The following KIAA1328 variants were observed in gnomAD, a reference collection of about 807,000 sequenced individuals.
KIAA1328 encodes the protein KIAA1328.
KIAA1328 carries 52 observed loss-of-function variants against 68.1 expected under a neutral mutation model. The observed-to-expected ratio is 0.76, with a 90% CI of 0.61 to 0.96. KIAA1328 has a LOEUF of 0.96. Among genes scored for constraint, KIAA1328 ranks in the 40% least tolerant of loss-of-function variants. The pLI is 0.00. For synonymous variants in KIAA1328, 232 were observed against 239.4 expected (o/e 0.97, Z 0.28); for missense variants, 641 against 677.6 (o/e 0.95, Z 0.60).
At chr18:37,229,862 G>C (rs2154228331), downstream of KIAA1328, 1 of 152,778 alleles carries the variant, frequency 6.5e-6, no homozygotes, top group South Asian at 2.0e-4. Context: ...CTCCAGCCTG[G>C]GTGACAGAGC....
chr18:37,187,456 A>G (rs1375924232), intron 9 of KIAA1328, among the ~76,000 whole-genome samples: 1 of 152,224 alleles, frequency 6.6e-6, no homozygotes, highest in Non-Finnish European at 1.5e-5. Flanking sequence ...GCATAGCAAG[A>G]TAGAAAGCAG....
At chr18:37,152,648 A>G (rs1037832129) in intron 7 of KIAA1328, among the ~76,000 whole-genome samples, 4 of 152,164 alleles carry the variant, frequency 2.6e-5, no homozygotes, top group Non-Finnish European at 5.9e-5. Context: ...GCAGCCCAGA[A>G]GCATGTGGTG....
chr18:37,168,715 A>T (rs2154213046), intron 8 of KIAA1328, among the ~76,000 whole-genome samples: 1 of 152,322 alleles, frequency 6.6e-6, no homozygotes, highest in Admixed American at 6.5e-5. Context: ...AATTATTAGA[A>T]TAGTTGGGGC....
At chr18:37,013,367 AT>A (rs1024449798) in intron 6 of KIAA1328, among the ~76,000 whole-genome samples, 1 of 152,114 alleles carries the variant, frequency 6.6e-6, no homozygotes, top group Non-Finnish European at 1.5e-5. Context: ...TTCAACTTTT[AT>A]TTTTATGGGG....
chr18:37,110,402 C>T (rs1257348694), intron 7 of KIAA1328, among the ~76,000 whole-genome samples: 9 of 152,068 alleles, frequency 5.9e-5, no homozygotes, highest in Admixed American at 5.9e-4. Flanking sequence ...CTTTATGTGC[C>T]TGTAAATAGT....
At chr18:36,928,673 A>G (rs1211818388) in intron 5 of KIAA1328, among the ~76,000 whole-genome samples, 1 of 151,944 alleles carries the variant, frequency 6.6e-6, no homozygotes, top group Non-Finnish European at 1.5e-5. Flanking sequence ...TAGGGGTGAG[A>G]GAGAGAGAGA....
chr18:36,875,701 T>C (rs2048098229), intron 4 of KIAA1328, among the ~76,000 whole-genome samples: 2 of 152,208 alleles, frequency 1.3e-5, no homozygotes, highest in Admixed American at 1.3e-4. Context: ...CTTCCAATAC[T>C]ATGTTGAATA....
intron 6 of KIAA1328, among the ~76,000 whole-genome samples, chr18:36,973,710 A>G (rs1031065444): frequency 2.0e-5 from 3 of 152,042 alleles, no homozygotes; most frequent in Non-Finnish European, 4.4e-5. Flanking sequence ...CCAAATCGAC[A>G]TTACAGACAT....
At chr18:36,976,111 T>C (rs1376668767) in intron 6 of KIAA1328, among the ~76,000 whole-genome samples, 4 of 152,232 alleles carry the variant, frequency 2.6e-5, no homozygotes, top group African/African-American at 4.8e-5. Flanking sequence ...TTGTCCAATA[T>C]GATAGCAACT....
At chr18:37,059,867 G>C (rs1018170751) in intron 6 of KIAA1328, among the ~76,000 whole-genome samples, 1 of 151,980 alleles carries the variant, frequency 6.6e-6, no homozygotes, top group African/African-American at 2.4e-5. Flanking sequence ...CCATAAAAAA[G>C]GATGAGTTAA....
intron 6 of KIAA1328, among the ~76,000 whole-genome samples, chr18:36,973,818 C>CACACACACAT (rs1196518908): frequency 5.1e-5 from 6 of 116,948 alleles, no homozygotes; most frequent in African/African-American, 9.9e-5. Context: ...CACATACACA[C>CACACACACAT]ACACACACAC....
At chr18:37,229,603 C>T (rs747802266), downstream of KIAA1328, 25 of 1,269,568 alleles carry the variant, frequency 2.0e-5, no homozygotes, top group Admixed American at 4.8e-5. Flanking sequence ...CATCCAGGCG[C>T]GGTGGCTTAC....
intron 4 of KIAA1328, among the ~76,000 whole-genome samples, chr18:36,854,800 C>G (rs1201536559): frequency 6.6e-6 from 1 of 152,122 alleles, no homozygotes; most frequent in African/African-American, 2.4e-5. Flanking sequence ...AATCTTCACA[C>G]TCATTTAATA....
chr18:37,046,196 TA>T (rs978328884), intron 6 of KIAA1328, among the ~76,000 whole-genome samples: 2 of 152,204 alleles, frequency 1.3e-5, no homozygotes, highest in African/African-American at 2.4e-5. Context: ...GAAACTTTTG[TA>T]AAAATTTTTG....
At chr18:37,192,816 T>C (rs1861838594) in intron 9 of KIAA1328, among the ~76,000 whole-genome samples, 1 of 152,172 alleles carries the variant, frequency 6.6e-6, no homozygotes, top group South Asian at 2.1e-4. Flanking sequence ...TGCTACAAAA[T>C]GATTAAGATA....
intron 6 of KIAA1328, among the ~76,000 whole-genome samples, chr18:37,022,581 G>A (rs1415855779): frequency 1.3e-5 from 2 of 152,010 alleles, no homozygotes; most frequent in African/African-American, 4.8e-5. Flanking sequence ...GAAGACCTTT[G>A]GGTGTTAAAT....
chr18:36,918,319 A>G (rs963794189), intron 5 of KIAA1328, among the ~76,000 whole-genome samples: 1 of 151,274 alleles, frequency 6.6e-6, no homozygotes, highest in African/African-American at 2.4e-5. Flanking sequence ...TATCTGCTCT[A>G]GTATTTATTT....
chr18:37,081,936 C>T (rs1392626950), intron 7 of KIAA1328, among the ~76,000 whole-genome samples: 1 of 152,082 alleles, frequency 6.6e-6, no homozygotes, highest in African/African-American at 2.4e-5. Flanking sequence ...CCAAAATCAG[C>T]ACCTTATTGT....
chr18:36,845,216 A>G (rs2046987391), intron 4 of KIAA1328, among the ~76,000 whole-genome samples: 1 of 151,758 alleles, frequency 6.6e-6, no homozygotes, highest in Non-Finnish European at 1.5e-5. Context: ...TTGATATGCT[A>G]CCTGAGATAA....
Sources: gnomAD v4.1 joint callset for allele counts (sites outside exome capture counted in the v4.1 genomes callset) on GRCh38, gnomAD v4.1.1 for gene constraint, MANE v1.5 for transcripts, NCBI Gene and HGNC (gene_info 2026-07-23, HGNC 2026-07-21) for gene names.